OR2L13: variants seen among roughly 807,000 people sequenced by gnomAD.
The protein encoded by OR2L13 is olfactory receptor 2L13.
In OR2L13, 14 loss-of-function variants were observed where a neutral mutation model predicts 15.3. The ratio of observed to expected loss-of-function variants is 0.91; its 90% CI spans 0.60 to 1.43. OR2L13 has a LOEUF of 1.43. Among genes scored for constraint, OR2L13 ranks in the 40% most tolerant of loss-of-function variants. The pLI, the probability that OR2L13 is intolerant of heterozygous loss-of-function variation, is 0.00. For missense variants in OR2L13, 367 were observed against 387.9 expected (o/e 0.95, Z 0.45); for synonymous variants, 152 against 142.9 (o/e 1.06, Z -0.45).
the OR2L13 span, chr1:247,948,942 C>T: frequency 1.2e-6 from 2 of 1,613,744 alleles, no homozygotes; most frequent in East Asian, 2.2e-5. Context: ...CTTCTTCATT[C>T]TCATTGTTTT....
At chr1:248,055,540 G>C in the OR2L13 span, among the ~76,000 whole-genome samples, 1 of 152,220 alleles carries the variant, frequency 6.6e-6, no homozygotes, top group Non-Finnish European at 1.5e-5. Context: ...TGGATCAACA[G>C]AAGTCTGGAG....
At chr1:248,022,461 G>T in the OR2L13 span, 6 of 1,614,004 alleles carry the variant, frequency 3.7e-6, no homozygotes, top group Non-Finnish European at 5.1e-6. Context: ...CAAGTCCAGA[G>T]CCATCAATCA....
the OR2L13 span, among the ~76,000 whole-genome samples, chr1:248,050,051 C>T: frequency 1.1e-4 from 17 of 152,214 alleles, no homozygotes; most frequent in Middle Eastern, 3.4e-3. Context: ...AATAGAATCA[C>T]GGAACGAATC....
the OR2L13 span, among the ~76,000 whole-genome samples, chr1:248,068,319 A>C: frequency 1.0e-3 from 154 of 152,138 alleles, 1 homozygote; most frequent in African/African-American, 3.5e-3. Flanking sequence ...GAATGATCAG[A>C]CAGCAGTATT....
At chr1:248,093,658 A>G (rs940628768), upstream of OR2L13, among the ~76,000 whole-genome samples, 1 of 152,186 alleles carries the variant, frequency 6.6e-6, no homozygotes, top group African/African-American at 2.4e-5. Flanking sequence ...CCTAGGACAA[A>G]GGGTGCCAAG....
chr1:247,947,679 G>T, the OR2L13 span, among the ~76,000 whole-genome samples: 1 of 152,158 alleles, frequency 6.6e-6, no homozygotes, highest in African/African-American at 2.4e-5. Flanking sequence ...TTTAAATAGA[G>T]TATTCTGAAA....
the OR2L13 span, among the ~76,000 whole-genome samples, chr1:248,085,492 C>G: frequency 1.9e-5 from 2 of 107,452 alleles, no homozygotes; most frequent in Admixed American, 2.0e-4. Flanking sequence ...AAAATCACTA[C>G]TGTCTAGTTA....
chr1:248,028,525 A>G, the OR2L13 span, among the ~76,000 whole-genome samples: 1 of 152,242 alleles, frequency 6.6e-6, no homozygotes, highest in Non-Finnish European at 1.5e-5. Context: ...ATTCAAATGG[A>G]CTGAATACAG....
chr1:248,060,114 A>C, the OR2L13 span, among the ~76,000 whole-genome samples: 152 of 152,296 alleles, frequency 1.0e-3, no homozygotes, highest in African/African-American at 3.6e-3. Flanking sequence ...TTCAAATATA[A>C]ATCTAAATGT....
the OR2L13 span, chr1:248,038,369 C>T: frequency 4.3e-6 from 7 of 1,613,290 alleles, no homozygotes; most frequent in Admixed American, 8.3e-5. Context: ...TTCTCATTTT[C>T]CTAATGGCTC....
chr1:248,006,521 T>C, the OR2L13 span, among the ~76,000 whole-genome samples: 1 of 151,910 alleles, frequency 6.6e-6, no homozygotes, highest in Non-Finnish European at 1.5e-5. Context: ...ATGAAACCAA[T>C]CCCGAGAAGG....
chr1:248,050,067 A>C, the OR2L13 span, among the ~76,000 whole-genome samples: 2 of 152,164 alleles, frequency 1.3e-5, no homozygotes, highest in African/African-American at 4.8e-5. Flanking sequence ...GAATCCTGTG[A>C]CGTTCCAGGT....
the OR2L13 span, among the ~76,000 whole-genome samples, chr1:247,963,766 A>G: frequency 6.6e-6 from 1 of 152,172 alleles, no homozygotes; most frequent in Non-Finnish European, 1.5e-5. Context: ...CTCTAGTACA[A>G]AAAGGGTTTC....
chr1:248,059,536 G>C, the OR2L13 span, among the ~76,000 whole-genome samples: 1 of 152,268 alleles, frequency 6.6e-6, no homozygotes, highest in Non-Finnish European at 1.5e-5. Context: ...AGGCAAAAGA[G>C]AATGGATGAT....
At chr1:248,077,266 G>A in the OR2L13 span, among the ~76,000 whole-genome samples, 6 of 152,150 alleles carry the variant, frequency 3.9e-5, no homozygotes, top group Admixed American at 2.0e-4. Context: ...GAGGATTTTC[G>A]TATTGATGTT....
At chr1:247,983,295 GTTCATGCCATTATCCTTCCT>G in the OR2L13 span, among the ~76,000 whole-genome samples, 3 of 152,152 alleles carry the variant, frequency 2.0e-5, no homozygotes, top group South Asian at 2.1e-4. Flanking sequence ...GTCAGTAAAA[GTTCATGCCATTATCCTTCCT>G]TTCATGCCAG....
chr1:247,963,892 A>T, the OR2L13 span, among the ~76,000 whole-genome samples: 1 of 152,208 alleles, frequency 6.6e-6, no homozygotes, highest in South Asian at 2.1e-4. Context: ...TTTAAAACAC[A>T]TACACACACA....
chr1:247,981,363 AATAAT>A, the OR2L13 span, among the ~76,000 whole-genome samples: 4 of 152,202 alleles, frequency 2.6e-5, no homozygotes, highest in South Asian at 8.3e-4. Flanking sequence ...TCTGTAAAGC[AATAAT>A]ATATATTTTT....
chr1:247,975,279 G>T, the OR2L13 span: 1 of 447,930 alleles, frequency 2.2e-6, no homozygotes, highest in South Asian at 1.9e-5. Flanking sequence ...TGGTGACTCT[G>T]GCCTTCGTGG....
Sources: allele counts gnomAD v4.1 joint callset (sites outside exome capture counted in the v4.1 genomes callset), GRCh38; gene constraint gnomAD v4.1.1; transcripts MANE v1.5; gene names NCBI Gene and HGNC (gene_info 2026-07-23, HGNC 2026-07-21).